Variants in CUBN observed in about 807,000 individuals in gnomAD.
The protein encoded by CUBN is cubilin, also known as 460 kDa receptor.
CUBN carries 282 observed loss-of-function variants against 405.3 expected under a neutral mutation model. That is an observed-to-expected ratio of 0.70 (90% confidence interval 0.63 to 0.77). The LOEUF (loss-of-function observed/expected upper bound fraction) is 0.77. Among genes scored for constraint, CUBN ranks in the 30% least tolerant of loss-of-function variants. The pLI, the probability that CUBN is intolerant of heterozygous loss-of-function variation, is 0.00. For synonymous variants in CUBN, 1,684 were observed against 1,617.0 expected (o/e 1.04, Z -0.99); for missense variants, 4,514 against 4,475.2 (o/e 1.01, Z -0.25).
chr10:16,946,633 T>C (rs908340683), intron 36 of CUBN, among the ~76,000 whole-genome samples: 1 of 151,846 alleles, frequency 6.6e-6, no homozygotes, highest in African/African-American at 2.4e-5. Context: ...GCAGCTGGGA[T>C]TACAGGTGCC....
At chr10:17,045,211 GAC>G in intron 24 of CUBN, 23 bp from the exon 25 acceptor site, 2 of 1,610,426 alleles carry the variant, frequency 1.2e-6, no homozygotes. Flanking sequence ...GAAGTGGAAT[GAC>G]ACACACCCCT....
At chr10:16,964,434 A>G (rs908437635) in intron 31 of CUBN, among the ~76,000 whole-genome samples, 1 of 152,326 alleles carries the variant, frequency 6.6e-6, no homozygotes, top group Admixed American at 6.5e-5. Context: ...ATATAATATT[A>G]TCTTAACTAT....
At chr10:16,928,532 C>CCCCTTTT (rs1403918589) in intron 40 of CUBN, among the ~76,000 whole-genome samples, 45 of 107,082 alleles carry the variant, frequency 4.2e-4, no homozygotes, top group South Asian at 6.8e-4. Context: ...CCACCCCCCC[C>CCCCTTTT]TTTTTTTTTT....
chr10:17,111,127 T>C, intron 8 of CUBN, 77 bp from the exon 9 acceptor site: 1 of 1,499,212 alleles, frequency 6.7e-7, no homozygotes, highest in Non-Finnish European at 9.3e-7. Flanking sequence ...TCAAAACATA[T>C]AAAAACCTTC....
At chr10:16,914,167 A>G (rs149495552) in intron 47 of CUBN, among the ~76,000 whole-genome samples, 175 bp from the exon 48 acceptor site, 21 of 152,280 alleles carry the variant, frequency 1.4e-4, no homozygotes, top group Middle Eastern at 6.8e-3. Flanking sequence ...TTTTATCTCT[A>G]TTAATATTTA....
Position 17,088,317 on chromosome 10 carries a change from G to A in CUBN, c.1794C>T (p.Tyr598=), listed in dbSNP as rs140184467. ...GATACCCCGGAGACTTAATAGAACC[G>A]TAAGGACCAGTCAGGATACCTCCAC... The part of the protein sequence containing the change: ...PECGGILTGP[Y]GSIKSPGYPG... The change falls in exon 15 of 67, where the codon TAC becomes TAT. Residue 598 remains tyrosine (Y), a synonymous_variant. Transcript: ENST00000377833. 6.8e-4 allele frequency: 1,091 copies of A among 1,612,626 alleles called. 2 individuals carry two copies. In the African/African-American group the frequency reaches 0.011, roughly 17 times the overall value.
intron 14 of CUBN, among the ~76,000 whole-genome samples, chr10:17,094,234 A>G (rs557594544): frequency 5.8e-4 from 88 of 152,188 alleles, no homozygotes; most frequent in South Asian, 2.7e-3. Flanking sequence ...CCTCTCCCCA[A>G]AAAAATTATG....
chr10:17,113,155 C>G (rs1036642051), intron 8 of CUBN, among the ~76,000 whole-genome samples: 2 of 152,010 alleles, frequency 1.3e-5, no homozygotes, highest in African/African-American at 4.8e-5. Context: ...ATCCCAGCTA[C>G]TCGGGAGGGT....
intron 3 of CUBN, among the ~76,000 whole-genome samples, chr10:17,127,257 TCTCTTTC>T (rs1837217934): frequency 8.8e-6 from 1 of 113,642 alleles, no homozygotes; most frequent in Non-Finnish European, 1.7e-5. Flanking sequence ...TCTCTCTCTC[TCTCTTTC>T]TTTTTTTTTT....
chr10:16,868,875 T>C (rs1433150882), intron 59 of CUBN, among the ~76,000 whole-genome samples: 1 of 152,170 alleles, frequency 6.6e-6, no homozygotes, highest in Non-Finnish European at 1.5e-5. Flanking sequence ...CCAAATTAAA[T>C]AAAACATTTC....
At chr10:17,015,410 G>A (rs1440828242) in intron 28 of CUBN, among the ~76,000 whole-genome samples, 2 of 152,168 alleles carry the variant, frequency 1.3e-5, no homozygotes, top group African/African-American at 4.8e-5. Context: ...GGGACTTTCA[G>A]GCATAACAAG....
chr10:16,917,899 G>A (rs1255715827), intron 45 of CUBN, among the ~76,000 whole-genome samples: 2 of 151,928 alleles, frequency 1.3e-5, no homozygotes, highest in Admixed American at 6.6e-5. Context: ...ATATAAAAAT[G>A]TTTCCCAGGG....
At chr10:17,119,011 C>T (rs1259844693) in intron 6 of CUBN, among the ~76,000 whole-genome samples, 3 of 152,088 alleles carry the variant, frequency 2.0e-5, no homozygotes, top group Non-Finnish European at 4.4e-5. Flanking sequence ...TGCATTTTGG[C>T]AATTGAGAAG....
chr10:16,831,477 A>C, intron 64 of CUBN, 60 bp from the exon 65 acceptor site: 1 of 1,376,932 alleles, frequency 7.3e-7, no homozygotes, highest in Non-Finnish European at 1.0e-6. Flanking sequence ...TATATACATT[A>C]AAATGGAGAC....
At position 17,104,481 on chromosome 10, in the gene CUBN, T is replaced by C; in HGVS notation, c.1355A>G (p.Asp452Gly). ...LNGGTCVDGV[D>G]SFSCECTRLW... ...ACGTGTGCATTCACAACTGAAAGAA[T>C]CAACGCCATCAACACAAGTTCCTCC... The change falls in exon 12 of 67, where the codon GAT (aspartate) becomes GGT (glycine). Residue 452 changes from aspartate (D) to glycine (G), a missense_variant. Transcript: ENST00000377833. 3.1e-6 allele frequency: 5 copies of C among 1,613,938 alleles called. No individual in the cohort carries two copies. Among genetic ancestry groups the C allele is most frequent in the Non-Finnish European group, 3.4e-6 (4 of 1,179,982 alleles).
At chr10:17,018,598 A>G (rs972400780) in intron 28 of CUBN, among the ~76,000 whole-genome samples, 2 of 152,150 alleles carry the variant, frequency 1.3e-5, no homozygotes, top group African/African-American at 4.8e-5. Context: ...AAGCTTCCAC[A>G]GTGTGGAAGG....
intron 27 of CUBN, among the ~76,000 whole-genome samples, chr10:17,029,504 G>A (rs2131801918): frequency 6.6e-6 from 1 of 152,242 alleles, no homozygotes; most frequent in East Asian, 1.9e-4. Context: ...TTTGAATCCA[G>A]GTATCATGCT....
At chr10:17,049,463 G>A (rs1835212804) in intron 22 of CUBN, among the ~76,000 whole-genome samples, 1 of 152,192 alleles carries the variant, frequency 6.6e-6, no homozygotes, top group South Asian at 2.1e-4. Context: ...TGTTAAGTGT[G>A]ATTAGGTCTC....
At chr10:17,076,330 C>G (rs184404573) in intron 17 of CUBN, among the ~76,000 whole-genome samples, 5 of 152,154 alleles carry the variant, frequency 3.3e-5, no homozygotes, top group Admixed American at 2.6e-4. Context: ...CCTGTATTCT[C>G]CCTGGATTCT....
Sources: allele counts gnomAD v4.1 joint callset (sites outside exome capture counted in the v4.1 genomes callset), GRCh38; gene constraint gnomAD v4.1.1; transcripts MANE v1.5; gene names NCBI Gene and HGNC (gene_info 2026-07-23, HGNC 2026-07-21).